The following KIAA0825 variants were observed in gnomAD, a reference collection of about 807,000 sequenced individuals.
KIAA0825 encodes the protein uncharacterized protein KIAA0825.
A neutral mutation model predicts 147.6 loss-of-function variants in KIAA0825; 119 were observed. That is an observed-to-expected ratio of 0.81 (90% CI 0.69 to 0.94). The LOEUF (loss-of-function observed/expected upper bound fraction) is 0.94. KIAA0825 is among the 40% of genes least tolerant of loss of function. The probability of loss-of-function intolerance (pLI) is 0.00; values close to 1 mark genes in which losing one functional copy is unlikely to be tolerated. For synonymous variants in KIAA0825, 470 were observed against 518.1 expected (o/e 0.91, Z 1.26); for missense variants, 1,381 against 1,472.7 (o/e 0.94, Z 1.02).
In KIAA0825 at chr5:94,184,770, G is replaced by C. The variant is rs149930335; in HGVS notation, c.3711-30646C>G. Reference sequence around the variant, plus strand: ...TATTAGGGTTTAAATGCAAAGATCAGAGGAAACTCAGTCTTTGGTATCTAT... The same window carrying C: ...TATTAGGGTTTAAATGCAAAGATCACAGGAAACTCAGTCTTTGGTATCTAT... On this transcript the variant is annotated intron_variant, in intron 20 of 20. Transcript: ENST00000682413. Among the ~76,000 whole-genome samples, 270 of 152,226 alleles carry C rather than the reference G, an allele frequency of 1.8e-3. 3 individuals carry two copies. The highest frequency in any genetic ancestry group is 6.4e-3 in the African/African-American group (264 of 41,538).
intron 3 of KIAA0825, among the ~76,000 whole-genome samples, chr5:94,532,503 C>T (rs1771003988): frequency 6.6e-6 from 1 of 151,726 alleles, no homozygotes; most frequent in South Asian, 2.1e-4. Context: ...TTCCTCCCTC[C>T]CTCTTTCCTT....
intron 12 of KIAA0825, among the ~76,000 whole-genome samples, chr5:94,453,913 T>C (rs1359622690): frequency 6.6e-6 from 1 of 151,902 alleles, no homozygotes; most frequent in Non-Finnish European, 1.5e-5. Flanking sequence ...TTATAAATAT[T>C]AAATAATTAA....
intron 20 of KIAA0825, among the ~76,000 whole-genome samples, chr5:94,209,495 C>T (rs147446422): frequency 8.0e-4 from 122 of 152,216 alleles, no homozygotes; most frequent in African/African-American, 2.9e-3. Context: ...TGCTGTGGGG[C>T]GGTAAGGAGG....
At chr5:94,617,104 A>G (rs1790734230) in intron 1 of KIAA0825, among the ~76,000 whole-genome samples, 1 of 152,220 alleles carries the variant, frequency 6.6e-6, no homozygotes, top group South Asian at 2.1e-4. Context: ...CATTAAATAA[A>G]ATAATAAATG....
chr5:94,224,088 T>C (rs1205917714), intron 20 of KIAA0825, among the ~76,000 whole-genome samples: 75 of 109,866 alleles, frequency 6.8e-4, no homozygotes, highest in African/African-American at 3.1e-3. Flanking sequence ...TTTTCTTTTT[T>C]TTTTTTTTTT....
intron 13 of KIAA0825, among the ~76,000 whole-genome samples, chr5:94,442,859 C>G (rs1277856749): frequency 6.6e-6 from 1 of 152,078 alleles, no homozygotes; most frequent in Non-Finnish European, 1.5e-5. Context: ...GAGCCAAGAG[C>G]TAGATTGTGG....
At chr5:94,338,662 A>G (rs2150319422) in intron 20 of KIAA0825, among the ~76,000 whole-genome samples, 1 of 152,306 alleles carries the variant, frequency 6.6e-6, no homozygotes, top group Admixed American at 6.5e-5. Flanking sequence ...GTACAGACAC[A>G]TGCTGTACAG....
Position 94,537,041 on chromosome 5 carries a change from T to G in KIAA0825, c.86A>C (p.Gln29Pro), listed in dbSNP as rs1313083655. 3 of 1,607,316 alleles carry G rather than the reference T, an allele frequency of 1.9e-6. No individual in the cohort carries two copies. Among genetic ancestry groups the G allele is most frequent in the Non-Finnish European group, 2.6e-6 (3 of 1,174,354 alleles). Residue 29 changes from glutamine (Q) to proline (P), a missense_variant, in exon 3 of 21, where the codon CAG becomes CCG. Gln to Pro is a moderately conservative substitution (Grantham distance 76). Coordinates refer to ENST00000682413, the MANE Select transcript of KIAA0825 (RefSeq NM_001145678.3). ...CTTTTCATCAATGTCACTGAAGATC[T>G]GCTCAAACTCCAAGTCTCCAGGAAA... Reference protein sequence around the residue: ...NSFPGDLEFEQIFSDIDEKIE... With the variant: ...NSFPGDLEFEPIFSDIDEKIE...
At chr5:94,323,328 A>G (rs1052687395) in intron 20 of KIAA0825, among the ~76,000 whole-genome samples, 1 of 151,982 alleles carries the variant, frequency 6.6e-6, no homozygotes, top group African/African-American at 2.4e-5. Flanking sequence ...AACATTTTGT[A>G]TATTTTCACA....
chr5:94,565,721 A>G (rs1490520516), intron 2 of KIAA0825, among the ~76,000 whole-genome samples: 1 of 152,198 alleles, frequency 6.6e-6, no homozygotes, highest in Non-Finnish European at 1.5e-5. Flanking sequence ...GTGGGGAAAT[A>G]GTGTGTTCAT....
chr5:94,476,490 G>A (rs377138420), intron 7 of KIAA0825, among the ~76,000 whole-genome samples: 14 of 152,274 alleles, frequency 9.2e-5, no homozygotes, highest in East Asian at 7.7e-4. Context: ...TGGGAACAGG[G>A]CTCAGGGTGG....
At chr5:94,306,279 A>G (rs1185647144) in intron 20 of KIAA0825, among the ~76,000 whole-genome samples, 3 of 151,886 alleles carry the variant, frequency 2.0e-5, no homozygotes, top group African/African-American at 4.8e-5. Context: ...TTTGCATTAC[A>G]TTACTTTATA....
chr5:94,432,383 A>T (rs1051205507), intron 14 of KIAA0825, among the ~76,000 whole-genome samples: 4 of 152,124 alleles, frequency 2.6e-5, no homozygotes, highest in Admixed American at 2.6e-4. Context: ...TACATAATCC[A>T]TATCCCACTA....
chr5:94,518,574 C>T lies in KIAA0825; in HGVS notation c.970+1674G>A, dbSNP rs557868186. ...TCTAAGTATCAATCCTGATTTCATA[C>T]AACATGATCAGGGCAAGTTAATCTT... On this transcript the variant is annotated intron_variant, in intron 5 of 20. Transcript: ENST00000682413. Among the ~76,000 whole-genome samples the T allele has an allele frequency of 2.0e-5, 3 of 152,208 alleles. No homozygotes were observed. In the South Asian group the frequency reaches 6.2e-4, roughly 32 times the overall value.
intron 2 of KIAA0825, among the ~76,000 whole-genome samples, chr5:94,574,499 A>G (rs1043916809): frequency 4.9e-5 from 7 of 142,784 alleles, no homozygotes; most frequent in African/African-American, 1.6e-4. Flanking sequence ...AGCCAAGATC[A>G]TGCCGTTGTA....
intron 20 of KIAA0825, among the ~76,000 whole-genome samples, chr5:94,271,470 G>A (rs888365969): frequency 2.6e-5 from 4 of 152,056 alleles, no homozygotes; most frequent in South Asian, 2.1e-4. Context: ...AATAGAGGCC[G>A]GGCATTGTGG....
chr5:94,538,948 C>A (rs547505406), intron 2 of KIAA0825, among the ~76,000 whole-genome samples: 17 of 152,274 alleles, frequency 1.1e-4, no homozygotes, highest in Non-Finnish European at 2.1e-4. Context: ...AGAGCAACTC[C>A]GTCTTGAATA....
At position 94,152,856 on chromosome 5, in the gene KIAA0825, TTATATATATATATATATATA is replaced by T. The variant is rs1175360792; in HGVS notation, c.*1131_*1150del. On this transcript the variant is annotated 3_prime_UTR_variant, in exon 21 of 21. Coordinates refer to ENST00000682413, the MANE Select transcript of KIAA0825 (RefSeq NM_001145678.3). ...AAAAAAAAAAAAAAAAAAAAAAAAATTATATATATATATATATATATATATATATATATATATATATATAT... is the reference window on the plus strand; with the variant it reads ...AAAAAAAAAAAAAAAAAAAAAAAAATTATATATATATATATATATATATAT... 1.1e-3 allele frequency: 3 copies of T among 2,774 alleles called. No homozygotes were observed. The highest frequency in any genetic ancestry group is 1.1e-3 in the African/African-American group (1 of 952). The allele number at this position is 2,774 out of a possible 1,614,324, so 0.2% of individuals were successfully genotyped here.
At chr5:94,615,870 A>T (rs1179700056) in intron 1 of KIAA0825, among the ~76,000 whole-genome samples, 1 of 152,062 alleles carries the variant, frequency 6.6e-6, no homozygotes, top group Non-Finnish European at 1.5e-5. Flanking sequence ...TGTGCAGGCT[A>T]GAGTGCAGTA....
Sources: allele counts gnomAD v4.1 joint callset (sites outside exome capture counted in the v4.1 genomes callset), GRCh38; gene constraint gnomAD v4.1.1; transcripts MANE v1.5; gene names NCBI Gene and HGNC (gene_info 2026-07-23, HGNC 2026-07-21).